Variants in VPS4B observed in about 807,000 individuals in gnomAD.
The protein encoded by VPS4B is vacuolar protein sorting 4 homolog B, also known as vacuolar protein sorting-associated protein 4B.
Under a neutral mutation model 56.1 loss-of-function variants are expected in VPS4B, and 23 were observed. That is an observed-to-expected ratio of 0.41 (90% confidence interval 0.30 to 0.58). The LOEUF is 0.58. Ranked by LOEUF, VPS4B falls within the 20% of genes least tolerant of loss-of-function variation. The probability of loss-of-function intolerance (pLI) is 0.29; values close to 1 mark genes in which losing one functional copy is unlikely to be tolerated. For synonymous variants in VPS4B, 177 were observed against 186.0 expected (o/e 0.95, Z 0.39); for missense variants, 372 against 531.9 (o/e 0.70, Z 2.96).
chr18:63,397,317 C>A, intron 8 of VPS4B, 64 bp from the exon 9 acceptor site: 1 of 1,451,520 alleles, frequency 6.9e-7, no homozygotes, highest in Non-Finnish European at 9.2e-7. Flanking sequence ...CAAGAAGAAA[C>A]AGATACTAAG....
chr18:63,414,064 T>C (rs536963429), intron 1 of VPS4B, among the ~76,000 whole-genome samples: 131 of 152,252 alleles, frequency 8.6e-4, no homozygotes, highest in African/African-American at 2.9e-3. Context: ...ACAGCCAAGA[T>C]TGTGCCACTG....
chr18:63,398,704 G>A (rs1287596501), intron 8 of VPS4B, among the ~76,000 whole-genome samples: 1 of 151,624 alleles, frequency 6.6e-6, no homozygotes, highest in East Asian at 1.9e-4. Flanking sequence ...GCGTGGTGGT[G>A]CATACCTGTA....
intron 4 of VPS4B, among the ~76,000 whole-genome samples, chr18:63,405,163 G>A (rs1474983452): frequency 6.6e-6 from 1 of 151,974 alleles, no homozygotes; most frequent in Non-Finnish European, 1.5e-5. Context: ...TACTAGACAT[G>A]GTTTGCAAAA....
At chr18:63,403,359 T>C (rs558891092) in intron 5 of VPS4B, among the ~76,000 whole-genome samples, 1 of 152,374 alleles carries the variant, frequency 6.6e-6, no homozygotes, top group South Asian at 2.1e-4. Context: ...AGTTTATAAC[T>C]GCTTTTTGAT....
intron 3 of VPS4B, among the ~76,000 whole-genome samples, chr18:63,409,046 C>T (rs910445995): frequency 6.6e-6 from 1 of 152,148 alleles, no homozygotes; most frequent in African/African-American, 2.4e-5. Context: ...AATGTCCTCA[C>T]TTTCATATAA....
intron 6 of VPS4B, 60 bp from the exon 7 acceptor site, chr18:63,400,256 A>C: frequency 2.7e-6 from 4 of 1,474,586 alleles, no homozygotes; most frequent in Non-Finnish European, 3.6e-6. Context: ...AAACAAAGTA[A>C]TATATCAATA....
At chr18:63,406,686 T>C (rs540686689) in intron 4 of VPS4B, among the ~76,000 whole-genome samples, 1 of 152,348 alleles carries the variant, frequency 6.6e-6, no homozygotes, top group East Asian at 1.9e-4. Flanking sequence ...TCCCTAGACT[T>C]CGTCAGATAT....
At chr18:63,420,695 CA>C (rs1916277613) in intron 1 of VPS4B, among the ~76,000 whole-genome samples, 1 of 152,038 alleles carries the variant, frequency 6.6e-6, no homozygotes, top group African/African-American at 2.4e-5. Flanking sequence ...CAAAAAGCTA[CA>C]AAAAACTCAA....
chr18:63,392,062 T>C (rs890706414), intron 10 of VPS4B, among the ~76,000 whole-genome samples: 2 of 152,196 alleles, frequency 1.3e-5, no homozygotes, highest in Admixed American at 6.5e-5. Flanking sequence ...ATAAGCATTA[T>C]GGTTAGTTCA....
Position 63,411,477 on chromosome 18 carries a change from A to G in VPS4B, c.129T>C (p.His43=). The change falls in exon 2 of 11, where the codon CAT becomes CAC. Residue 43 remains histidine, a synonymous_variant. Coordinates refer to ENST00000238497, the MANE Select transcript of VPS4B (RefSeq NM_004869.4). ...LYQHAVQYFL[H]VVKYEAQGDK... The stretch of plus-strand genomic sequence containing the variant: ...AACCTATGGCCTCACATTTAACGAC[A>G]TGAAGAAAATACTGCACAGCATGCT... 3 of 1,558,154 alleles carry G rather than the reference A, an allele frequency of 1.9e-6. No homozygotes were observed. The highest frequency in any genetic ancestry group is 1.7e-6 in the Non-Finnish European group (2 of 1,151,650).
chr18:63,397,057 G>T lies in VPS4B; in HGVS notation c.1069C>A (p.Gln357Lys). 1 of 1,613,338 alleles carries T rather than the reference G, an allele frequency of 6.2e-7. No individual in the cohort carries two copies. The highest frequency in any genetic ancestry group is 8.5e-7 in the Non-Finnish European group (1 of 1,179,632). The stretch of plus-strand genomic sequence containing the variant: ...ACCTTTTTAAAATGAGTAGCTGACT[G>T]TACTTTCCTAACAGGCTGCATAAGG... ...DALMQPVRKV[Q>K]SATHFKKVRG... Residue 357 changes from glutamine to lysine, a missense_variant, in exon 9 of 11, where the codon CAG becomes AAG. By Grantham distance (53) the Gln-to-Lys change is moderately conservative (BLOSUM62 1). Coordinates refer to ENST00000238497, the MANE Select transcript of VPS4B (RefSeq NM_004869.4).
intron 1 of VPS4B, among the ~76,000 whole-genome samples, chr18:63,414,378 A>G (rs1284084639): frequency 1.5e-5 from 2 of 129,638 alleles, no homozygotes; most frequent in Non-Finnish European, 3.2e-5. Context: ...TCAAAAAAGA[A>G]AAAAAAAAAT....
intron 1 of VPS4B, among the ~76,000 whole-genome samples, chr18:63,419,931 T>C (rs1169766116): frequency 1.3e-5 from 2 of 152,324 alleles, no homozygotes; most frequent in East Asian, 1.9e-4. Context: ...GCCACAGAGA[T>C]TTTTGCCTTG....
At chr18:63,399,881 T>C (rs906218300) in intron 7 of VPS4B, among the ~76,000 whole-genome samples, 167 bp downstream of exon 7, 10 of 152,082 alleles carry the variant, frequency 6.6e-5, no homozygotes, top group African/African-American at 2.4e-4. Flanking sequence ...TAGCCGGGCA[T>C]GGTGGTGCGC....
At chr18:63,393,640 G>A (rs898890) in intron 9 of VPS4B, 91 bp from the exon 10 acceptor site, 622,344 of 1,212,980 alleles carry the variant, frequency 0.51, 162,368 homozygotes, top group East Asian at 0.88. Flanking sequence ...ATGTATAATA[G>A]TTTTGTATGT....
chr18:63,413,899 G>A (rs1599366060), intron 1 of VPS4B, among the ~76,000 whole-genome samples: 2 of 152,306 alleles, frequency 1.3e-5, no homozygotes, highest in African/African-American at 4.8e-5. Context: ...GTTTACTTCA[G>A]AATTGATAAA....
intron 4 of VPS4B, among the ~76,000 whole-genome samples, chr18:63,407,130 A>G (rs750722875): frequency 2.0e-5 from 3 of 152,232 alleles, no homozygotes; most frequent in Non-Finnish European, 2.9e-5. Context: ...TGCTAATAGT[A>G]TAAGTGTTAC....
chr18:63,400,262 C>T, intron 6 of VPS4B, 66 bp from the exon 7 acceptor site: 1 of 1,423,574 alleles, frequency 7.0e-7, no homozygotes, highest in Non-Finnish European at 9.4e-7. Context: ...AGTAATATAT[C>T]AATATTACAA....
intron 5 of VPS4B, among the ~76,000 whole-genome samples, chr18:63,402,878 C>G (rs1265177072): frequency 6.6e-6 from 1 of 152,182 alleles, no homozygotes; most frequent in Non-Finnish European, 1.5e-5. Context: ...CTGGACTCTT[C>G]AGTCTGAGGC....
Sources: gnomAD v4.1 joint callset for allele counts (sites outside exome capture counted in the v4.1 genomes callset) on GRCh38, gnomAD v4.1.1 for gene constraint, MANE v1.5 for transcripts, NCBI Gene and HGNC (gene_info 2026-07-23, HGNC 2026-07-21) for gene names.